The following ACO1 variants were observed in gnomAD, a reference collection of about 807,000 sequenced individuals.
ACO1 encodes the protein aconitase 1.
A neutral mutation model predicts 105.1 loss-of-function variants in ACO1; 78 were observed. That is an observed-to-expected ratio of 0.74 (90% confidence interval 0.62 to 0.90). ACO1 has a LOEUF of 0.90. Among genes scored for constraint, ACO1 ranks in the 40% least tolerant of loss-of-function variants. The pLI, the probability that ACO1 is intolerant of heterozygous loss-of-function variation, is 0.00. For missense variants in ACO1, 965 were observed against 1,111.1 expected (o/e 0.87, Z 1.87); for synonymous variants, 364 against 397.4 (o/e 0.92, Z 1.00).
intron 2 of ACO1, 131 bp downstream of exon 2, chr9:32,405,734 C>T (rs1821596610): frequency 4.7e-6 from 3 of 644,258 alleles, no homozygotes; most frequent in Non-Finnish European, 8.0e-6. Context: ...ATTAAGTGCA[C>T]AAGCACTCAC....
chr9:32,413,569 A>T (rs1464692776), intron 4 of ACO1, among the ~76,000 whole-genome samples: 4 of 151,946 alleles, frequency 2.6e-5, no homozygotes, highest in Admixed American at 1.3e-4. Flanking sequence ...TTGCAATTTA[A>T]CCTCATGATC....
At chr9:32,394,119 G>C (rs1821321700) in intron 1 of ACO1, among the ~76,000 whole-genome samples, 1 of 152,186 alleles carries the variant, frequency 6.6e-6, no homozygotes, top group Non-Finnish European at 1.5e-5. Flanking sequence ...AACACTTTAT[G>C]ATTCCCACAA....
At chr9:32,436,228 C>A in intron 17 of ACO1, 22 bp from the exon 18 acceptor site, 1 of 1,613,526 alleles carries the variant, frequency 6.2e-7, no homozygotes, top group Non-Finnish European at 8.5e-7. Flanking sequence ...TAAGCCAGCT[C>A]CTTTCTTGCT....
chr9:32,398,112 C>A (rs1473785317), intron 1 of ACO1, among the ~76,000 whole-genome samples: 1 of 152,150 alleles, frequency 6.6e-6, no homozygotes, highest in East Asian at 1.9e-4. Context: ...GTGTGGAAAT[C>A]CTGTGATTGC....
chr9:32,402,172 TTTCCCA>T (rs1178747137), intron 1 of ACO1, among the ~76,000 whole-genome samples: 1 of 152,226 alleles, frequency 6.6e-6, no homozygotes, highest in Non-Finnish European at 1.5e-5. Flanking sequence ...AAAGATACCA[TTTCCCA>T]TTCCTTCCTT....
intron 19 of ACO1, among the ~76,000 whole-genome samples, chr9:32,442,058 C>T (rs543769825): frequency 3.9e-5 from 6 of 152,136 alleles, no homozygotes; most frequent in Admixed American, 6.5e-5. Flanking sequence ...TGTAGCAGTG[C>T]GTCTCAAGTT....
intron 13 of ACO1, 86 bp downstream of exon 13, chr9:32,429,589 C>T: frequency 8.5e-7 from 1 of 1,180,136 alleles, no homozygotes; most frequent in Middle Eastern, 1.9e-4. Context: ...TCAAGAAGGT[C>T]CATGGAAGCA....
intron 4 of ACO1, among the ~76,000 whole-genome samples, chr9:32,409,048 G>A (rs17288067): frequency 0.14 from 21,846 of 152,122 alleles, 2,059 homozygotes; most frequent in South Asian, 0.31. Context: ...CATATCTAGC[G>A]ATCTCTGCCT....
At chr9:32,419,512 GCT>G (rs1266705053) in intron 7 of ACO1, among the ~76,000 whole-genome samples, 2 of 152,136 alleles carry the variant, frequency 1.3e-5, no homozygotes, top group Admixed American at 6.5e-5. Context: ...TTGCTTCAGA[GCT>G]CTCTGTGTTT....
At chr9:32,421,068 G>C (rs769108013) in intron 8 of ACO1, 41 bp downstream of exon 8, 1 of 1,594,240 alleles carries the variant, frequency 6.3e-7, no homozygotes, top group Non-Finnish European at 8.6e-7. Context: ...TTTTGTAAAA[G>C]TTCCATGAAA....
At chr9:32,411,637 GT>G (rs977010859) in intron 4 of ACO1, among the ~76,000 whole-genome samples, 62 of 152,120 alleles carry the variant, frequency 4.1e-4, no homozygotes, top group African/African-American at 1.5e-3. Flanking sequence ...GTATATAAAG[GT>G]TTTTCAATCT....
intron 13 of ACO1, among the ~76,000 whole-genome samples, chr9:32,430,190 T>C (rs1822194266): frequency 6.6e-6 from 1 of 152,212 alleles, no homozygotes; most frequent in African/African-American, 2.4e-5. Context: ...CTACCTGATA[T>C]TTTCTCGTGA....
chr9:32,433,474 C>T (rs1203493969), intron 15 of ACO1, among the ~76,000 whole-genome samples: 5 of 151,990 alleles, frequency 3.3e-5, no homozygotes, highest in African/African-American at 1.2e-4. Flanking sequence ...GGGCTCAAGC[C>T]ATCCTCCCAC....
chr9:32,386,990 G>A (rs1821168408), intron 1 of ACO1, among the ~76,000 whole-genome samples: 2 of 152,184 alleles, frequency 1.3e-5, no homozygotes, highest in African/African-American at 2.4e-5. Context: ...GTGAAGAGCA[G>A]TACCCCCTAC....
At chr9:32,449,269 T>TTTAA (rs1554664465) in intron 20 of ACO1, among the ~76,000 whole-genome samples, 188 bp downstream of exon 20, 1 of 152,124 alleles carries the variant, frequency 6.6e-6, no homozygotes, top group African/African-American at 2.4e-5. Context: ...TGCCTATGGA[T>TTTAA]TTAATTTCTC....
chr9:32,450,097 A>G lies in ACO1; in HGVS notation c.2656A>G (p.Lys886Glu), dbSNP rs1403944134. 1.2e-6 allele frequency: 2 copies of G among 1,613,522 alleles called. No individual in the cohort carries two copies. The highest frequency in any genetic ancestry group is 2.2e-5 in the East Asian group (1 of 44,838). The part of the protein sequence containing the change: ...NGGILNYMIR[K>E]MAK ...GGGCATCCTCAACTACATGATCCGCAAGATGGCCAAGTAGGAGACGTGCAC... is the reference window on the plus strand; with the variant it reads ...GGGCATCCTCAACTACATGATCCGCGAGATGGCCAAGTAGGAGACGTGCAC... The change falls in exon 21 of 21, where the codon AAG (lysine) becomes GAG (glutamate). Residue 886 changes from lysine (K) to glutamate (E), a missense_variant. Transcript: ENST00000309951.
rs1457871464 is a variant in ACO1 at position 32,405,699 on chromosome 9, G to A, written c.97+96G>A. 1.1e-5 allele frequency: 9 copies of A among 845,466 alleles called. No homozygotes were observed. In the East Asian group the frequency reaches 2.4e-4, roughly 22 times the overall value. 52.4% of individuals were successfully genotyped at this position (845,466 alleles called of 1,614,324 possible). On this transcript the variant is annotated intron_variant, in intron 2 of 20. Transcript: ENST00000309951. ...TTGAGGAGAGTTTGAAGAGGGAGTA[G>A]CAGAGAATGGGTGAATGTTCTTGGA...
At position 32,453,774 on chromosome 9, in the gene ACO1, T is replaced by C. The variant is rs1822820326; in HGVS notation, c.*3663T>C. ...TTTTGAAAAACAGTAGCCAAGGTTC[T>C]ACTGGCTGCCTTCTTAGGACATTAT... On this transcript the variant is annotated 3_prime_UTR_variant, in exon 21 of 21. Coordinates refer to ENST00000309951, the MANE Select transcript of ACO1 (RefSeq NM_002197.3). 6.6e-6 allele frequency: 1 copy of C among 152,222 alleles called. No individual in the cohort carries two copies. The highest frequency in any genetic ancestry group is 2.1e-4 in the South Asian group (1 of 4,830). 9.4% of individuals were successfully genotyped at this position (152,222 alleles called of 1,614,324 possible).
At chr9:32,444,717 G>GTTTT (rs1822560897) in intron 19 of ACO1, among the ~76,000 whole-genome samples, 1 of 152,138 alleles carries the variant, frequency 6.6e-6, no homozygotes, top group African/African-American at 2.4e-5. Flanking sequence ...AATGCTTCCA[G>GTTTT]TTTTTGCCCA....
Sources: allele counts gnomAD v4.1 joint callset (sites outside exome capture counted in the v4.1 genomes callset), GRCh38; gene constraint gnomAD v4.1.1; transcripts MANE v1.5; gene names NCBI Gene and HGNC (gene_info 2026-07-23, HGNC 2026-07-21).